KCND3: variants seen among roughly 807,000 people sequenced by gnomAD.
KCND3 encodes the protein A-type voltage-gated potassium channel KCND3.
KCND3 carries 9 observed loss-of-function variants against 51.1 expected under a neutral mutation model. That is an observed-to-expected ratio of 0.18 (90% CI 0.11 to 0.31). The LOEUF (loss-of-function observed/expected upper bound fraction) is 0.31, where lower values mean the gene tolerates loss of function less well. Ranked by LOEUF, KCND3 falls within the 10% of genes least tolerant of loss-of-function variation. KCND3 has a pLI of 1.00. For missense variants in KCND3, 526 were observed against 903.8 expected, an observed-to-expected ratio of 0.58 and a Z score of 5.36; for synonymous variants, 349 against 368.0, an observed-to-expected ratio of 0.95 and a Z score of 0.59.
chr1:111,928,651 A>AG (rs555346250), intron 2 of KCND3, among the ~76,000 whole-genome samples: 425 of 152,360 alleles, frequency 2.8e-3, no homozygotes, highest in Non-Finnish European at 5.0e-3. Context: ...GAACAGTGGC[A>AG]GGGGCAGCCA....
chr1:111,950,589 A>G (rs1360611879), intron 2 of KCND3, among the ~76,000 whole-genome samples: 1 of 152,248 alleles, frequency 6.6e-6, no homozygotes, highest in Non-Finnish European at 1.5e-5. Flanking sequence ...CAAAATAAGA[A>G]TGGGATTGAA....
At chr1:111,777,956 G>C (rs1373435538) in intron 6 of KCND3, among the ~76,000 whole-genome samples, 1 of 152,238 alleles carries the variant, frequency 6.6e-6, no homozygotes, top group Non-Finnish European at 1.5e-5. Flanking sequence ...ATGGGGTATA[G>C]CTGAACCCAG....
intron 2 of KCND3, among the ~76,000 whole-genome samples, chr1:111,794,812 C>T (rs1664986195): frequency 6.6e-6 from 1 of 152,200 alleles, no homozygotes; most frequent in Non-Finnish European, 1.5e-5. Context: ...AAATCCCCTC[C>T]CATGAGTAGA....
At chr1:111,872,076 C>T (rs1270421055) in intron 2 of KCND3, among the ~76,000 whole-genome samples, 1 of 152,158 alleles carries the variant, frequency 6.6e-6, no homozygotes, top group Non-Finnish European at 1.5e-5. Flanking sequence ...AAAATAAAAC[C>T]TTATATGTGA....
intron 2 of KCND3, among the ~76,000 whole-genome samples, chr1:111,956,040 A>C (rs1009024718): frequency 3.3e-5 from 5 of 150,548 alleles, no homozygotes; most frequent in African/African-American, 1.2e-4. Flanking sequence ...ATGTGTTTTT[A>C]TTACCTTTAA....
chr1:111,973,180 T>C (rs1674439520), intron 2 of KCND3, among the ~76,000 whole-genome samples: 1 of 152,212 alleles, frequency 6.6e-6, no homozygotes, highest in Non-Finnish European at 1.5e-5. Context: ...TTTCAATAAC[T>C]GGCTGGGAAA....
At chr1:111,983,245 G>GGGTAATCA (rs1675072662) in intron 1 of KCND3, among the ~76,000 whole-genome samples, 1 of 152,192 alleles carries the variant, frequency 6.6e-6, no homozygotes, top group Non-Finnish European at 1.5e-5. Flanking sequence ...TCACCCACTG[G>GGGTAATCA]GGTAATCAGG....
In KCND3 at chr1:111,981,079, C is replaced by T. The variant is rs755619209; in HGVS notation, c.1106+542G>A. On this transcript the variant is annotated intron_variant, in intron 2 of 7. Transcript: ENST00000302127. This position sits in a 1 kb window ranked among gnomAD's most constrained non-coding sequence, Gnocchi z 6.2. ...AGAAAGTCTGCTCAGAGCTACTGAA[C>T]GCTTGAGTGTCTGTGGCAGCACAGG... Among the ~76,000 whole-genome samples, 11 of 152,194 alleles carry T rather than the reference C, an allele frequency of 7.2e-5. No individual in the cohort carries two copies. The highest frequency in any genetic ancestry group is 4.1e-4 in the South Asian group (2 of 4,820).
Position 111,832,094 on chromosome 1 carries a change from C to A in KCND3, c.1107-44988G>T, listed in dbSNP as rs540255738. Among the ~76,000 whole-genome samples, 3 of 152,334 alleles carry A rather than the reference C, an allele frequency of 2.0e-5. No individual in the cohort carries two copies. The South Asian group carries it at 6.2e-4, about 32-fold the overall frequency. On this transcript the variant is annotated intron_variant, in intron 2 of 7. Coordinates refer to ENST00000302127, the MANE Select transcript of KCND3 (RefSeq NM_001378969.1). ...GCCTCCCATCCCATTACCCACACCA[C>A]AGGTCTCCCCTTACTCAGGAAGTAT...
chr1:111,866,090 T>C (rs1312877090), intron 2 of KCND3, among the ~76,000 whole-genome samples: 1 of 152,126 alleles, frequency 6.6e-6, no homozygotes, highest in Non-Finnish European at 1.5e-5. Flanking sequence ...TTCACTATTT[T>C]ATTTTTTAGT....
intron 2 of KCND3, chr1:111,909,194 C>T (rs1379515967): frequency 6.6e-6 from 1 of 152,100 alleles, no homozygotes; most frequent in African/African-American, 2.4e-5. Flanking sequence ...GATTGCATCC[C>T]ATTATGTTGT....
intron 3 of KCND3, among the ~76,000 whole-genome samples, chr1:111,786,679 T>C (rs1571635849): frequency 6.6e-6 from 1 of 151,366 alleles, no homozygotes; most frequent in Admixed American, 6.6e-5. Flanking sequence ...GGAGTGGAGG[T>C]GGAGCCAGGA....
At chr1:111,795,764 T>A (rs1337682072) in intron 2 of KCND3, among the ~76,000 whole-genome samples, 1 of 152,258 alleles carries the variant, frequency 6.6e-6, no homozygotes, top group Non-Finnish European at 1.5e-5. Context: ...ATTGCCACAC[T>A]GTCTTCCACA....
At chr1:111,970,867 C>T (rs953505255) in intron 2 of KCND3, among the ~76,000 whole-genome samples, 2 of 152,176 alleles carry the variant, frequency 1.3e-5, no homozygotes, top group African/African-American at 4.8e-5. Flanking sequence ...AGTGTCAGCT[C>T]CATGCATGTT....
intron 2 of KCND3, among the ~76,000 whole-genome samples, chr1:111,945,239 C>T (rs1449716061): frequency 1.3e-5 from 2 of 152,202 alleles, no homozygotes; most frequent in Non-Finnish European, 2.9e-5. Context: ...TGCCCTTGTT[C>T]GAGGTACACC....
intron 2 of KCND3, among the ~76,000 whole-genome samples, chr1:111,853,011 A>G (rs1667894230): frequency 6.6e-6 from 1 of 152,224 alleles, no homozygotes; most frequent in African/African-American, 2.4e-5. Context: ...TAGTAACAGC[A>G]TGCATGCAGG....
chr1:111,816,325 C>T (rs1666087466), intron 2 of KCND3, among the ~76,000 whole-genome samples: 1 of 152,250 alleles, frequency 6.6e-6, no homozygotes, highest in Non-Finnish European at 1.5e-5. Context: ...GGTAGGCTGT[C>T]AAGTCCACAG....
At position 111,775,261 on chromosome 1, in the gene KCND3, C is replaced by G. The variant is rs773582006; in HGVS notation, c.*816G>C. On this transcript the variant is annotated 3_prime_UTR_variant, in exon 8 of 8. Coordinates refer to ENST00000302127, the MANE Select transcript of KCND3 (RefSeq NM_001378969.1). ...AGGATCATTGGGATCCAGGTAGAGA[C>G]AGATGGCTGGACACAGAAACAGCTA... 16 of 152,502 alleles carry G rather than the reference C, an allele frequency of 1.0e-4. No homozygotes were observed. Among genetic ancestry groups the G allele is most frequent in the Admixed American group, 4.6e-4 (7 of 15,298 alleles). 9.4% of individuals were successfully genotyped at this position (152,502 alleles called of 1,614,324 possible).
chr1:111,984,143 G>T (rs1315803563), intron 1 of KCND3, among the ~76,000 whole-genome samples: 1 of 152,208 alleles, frequency 6.6e-6, no homozygotes. Flanking sequence ...AAATAAACGA[G>T]GAAGAGGTGA....
Sources: gnomAD v4.1 joint callset for allele counts (sites outside exome capture counted in the v4.1 genomes callset) on GRCh38, gnomAD v4.1.1 for gene constraint, Gnocchi (gnomAD v3.1) non-coding constraint, MANE v1.5 for transcripts, NCBI Gene and HGNC (gene_info 2026-07-23, HGNC 2026-07-21) for gene names.